The following LAMA3 variants were observed in gnomAD, a reference collection of about 807,000 sequenced individuals.
LAMA3 encodes laminin subunit alpha-3.
Under a neutral mutation model 402.0 loss-of-function variants are expected in LAMA3, and 281 were observed. The ratio of observed to expected loss-of-function variants is 0.70; its 90% CI spans 0.63 to 0.77. LAMA3 has a LOEUF of 0.77. LAMA3 is among the 30% of genes least tolerant of loss of function. LAMA3 has a pLI of 0.00. For synonymous variants in LAMA3, 1,431 were observed against 1,558.4 expected, an observed-to-expected ratio of 0.92 and a Z score of 1.93; for missense variants, 3,840 against 4,215.5, an observed-to-expected ratio of 0.91 and a Z score of 2.47.
intron 12 of LAMA3, among the ~76,000 whole-genome samples, chr18:23,808,892 TG>T (rs1296640930): frequency 6.6e-6 from 1 of 152,196 alleles, no homozygotes; most frequent in Non-Finnish European, 1.5e-5. Flanking sequence ...TTACCAGAAC[TG>T]GGGCTTTACC....
chr18:23,864,317 C>T (rs1211018307), intron 35 of LAMA3, among the ~76,000 whole-genome samples: 1 of 151,730 alleles, frequency 6.6e-6, no homozygotes, highest in African/African-American at 2.4e-5. Flanking sequence ...GCCTCAAACT[C>T]CTGGGCTCAA....
chr18:23,762,842 C>G (rs1240899655), intron 7 of LAMA3, among the ~76,000 whole-genome samples: 3 of 143,956 alleles, frequency 2.1e-5, no homozygotes, highest in African/African-American at 8.0e-5. Context: ...CTCAGCCTCC[C>G]AAGTAGTATA....
chr18:23,734,686 A>G (rs1171979704), intron 2 of LAMA3, among the ~76,000 whole-genome samples: 6 of 152,250 alleles, frequency 3.9e-5, no homozygotes, highest in Non-Finnish European at 8.8e-5. Context: ...TGACCGAACT[A>G]CAATAAAAAG....
intron 40 of LAMA3, among the ~76,000 whole-genome samples, chr18:23,883,864 G>C (rs970523966): frequency 6.6e-6 from 1 of 152,170 alleles, no homozygotes; most frequent in Non-Finnish European, 1.5e-5. Flanking sequence ...GAATTTATCA[G>C]TAAAACTCTA....
At chr18:23,714,138 A>G (rs1386582396) in intron 2 of LAMA3, 66 bp downstream of exon 2, 1 of 1,403,172 alleles carries the variant, frequency 7.1e-7, no homozygotes. Context: ...GGGATTTCTG[A>G]TATAATAATT....
chr18:23,817,134 G>A (rs2063191483), intron 18 of LAMA3, among the ~76,000 whole-genome samples: 1 of 152,226 alleles, frequency 6.6e-6, no homozygotes, highest in South Asian at 2.1e-4. Flanking sequence ...TTTGTCTCAT[G>A]CAGAAGCAGG....
At chr18:23,943,497 A>G (rs2082596640) in intron 68 of LAMA3, among the ~76,000 whole-genome samples, 1 of 152,198 alleles carries the variant, frequency 6.6e-6, no homozygotes, top group Non-Finnish European at 1.5e-5. Flanking sequence ...AGATTCAGAC[A>G]TGTTTCTTCT....
chr18:23,927,685 A>C (rs1188011641), intron 62 of LAMA3, among the ~76,000 whole-genome samples: 1 of 152,232 alleles, frequency 6.6e-6, no homozygotes, highest in Non-Finnish European at 1.5e-5. Context: ...AAAAAGAGCA[A>C]AAGGTTTTCT....
intron 36 of LAMA3, among the ~76,000 whole-genome samples, chr18:23,867,463 C>T (rs769268547): frequency 7.4e-5 from 11 of 149,208 alleles, no homozygotes; most frequent in Non-Finnish European, 1.2e-4. Flanking sequence ...GCAGGAGAAT[C>T]GCTTGAACCC....
intron 1 of LAMA3, among the ~76,000 whole-genome samples, chr18:23,708,111 T>C (rs910662023): frequency 6.6e-6 from 1 of 152,192 alleles, no homozygotes; most frequent in African/African-American, 2.4e-5. Context: ...TGAGTAGAAC[T>C]CTGATTTTAT....
intron 1 of LAMA3, among the ~76,000 whole-genome samples, chr18:23,693,137 CGTTCAAGACCAG>C (rs1348612880): frequency 6.6e-6 from 1 of 152,084 alleles, no homozygotes; most frequent in Non-Finnish European, 1.5e-5. Context: ...TGAGGTTGGA[CGTTCAAGACCAG>C]CTTGGCCAGC....
rs2062285082 is a variant in LAMA3, at chr18:23,775,130, G to A, written c.1274-662G>A. ...AGATGTATTCAGATGAGCTGTGACA[G>A]TATTTTCCCTGTCCAGGGTGCACCT... On this transcript the variant is annotated intron_variant, in intron 9 of 74. Transcript: ENST00000313654. Among the ~76,000 whole-genome samples, 3 of 152,214 alleles carry A rather than the reference G, an allele frequency of 2.0e-5. No homozygotes were observed. The South Asian group carries it at 6.2e-4, about 31-fold the overall frequency.
chr18:23,893,576 C>T (rs144649207), intron 42 of LAMA3, among the ~76,000 whole-genome samples: 1 of 152,032 alleles, frequency 6.6e-6, no homozygotes, highest in East Asian at 1.9e-4. Context: ...GAGTGAGACT[C>T]CCCCCTCCCC....
intron 63 of LAMA3, 150 bp from the exon 64 acceptor site, chr18:23,928,475 A>G (rs2082072262): frequency 2.3e-6 from 2 of 882,144 alleles, no homozygotes; most frequent in Admixed American, 3.7e-5. Context: ...ATGATTGCTG[A>G]CTTATTATGC....
chr18:23,842,167 C>T (rs570739688), intron 27 of LAMA3, among the ~76,000 whole-genome samples: 1 of 152,224 alleles, frequency 6.6e-6, no homozygotes, highest in South Asian at 2.1e-4. Flanking sequence ...CAATCTGCAA[C>T]CAAGAGACAT....
In LAMA3 at chr18:23,895,072, G is replaced by A. The variant is rs753808858; in HGVS notation, c.5613+14G>A. On this transcript the variant is annotated intron_variant, in intron 44 of 74. Transcript: ENST00000313654. ...AAGGACCTGAGGGTAAATCCCCTGC[G>A]GCCGAGAGTAGACACGTGGGGAGGA... is the stretch of plus-strand genomic sequence containing the variant. 12 of 1,579,978 alleles carry A rather than the reference G, an allele frequency of 7.6e-6. No homozygotes were observed. The highest frequency in any genetic ancestry group is 3.5e-5 in the South Asian group (3 of 86,946).
intron 55 of LAMA3, among the ~76,000 whole-genome samples, chr18:23,910,896 T>C (rs1204753410): frequency 1.3e-5 from 2 of 152,176 alleles, no homozygotes; most frequent in East Asian, 1.9e-4. Flanking sequence ...AGTTTACAGA[T>C]AAATGCATAT....
intron 12 of LAMA3, among the ~76,000 whole-genome samples, chr18:23,803,811 C>T (rs2062910861): frequency 1.3e-5 from 2 of 152,172 alleles, no homozygotes; most frequent in African/African-American, 2.4e-5. Flanking sequence ...TCTTGCAATA[C>T]CTGGTCTAAA....
At chr18:23,795,989 C>T (rs191025468) in intron 12 of LAMA3, 146 of 346,168 alleles carry the variant, frequency 4.2e-4, no homozygotes, top group African/African-American at 1.5e-3. Context: ...CAAGATAGCT[C>T]GTTCACTCTC....
Sources: gnomAD v4.1 joint callset for allele counts (sites outside exome capture counted in the v4.1 genomes callset) on GRCh38, gnomAD v4.1.1 for gene constraint, MANE v1.5 for transcripts, NCBI Gene and HGNC (gene_info 2026-07-23, HGNC 2026-07-21) for gene names.